Variants in CRPPA observed in about 807,000 individuals in gnomAD.
CRPPA encodes CDP-L-ribitol pyrophosphorylase A.
Under a neutral mutation model 52.0 loss-of-function variants are expected in CRPPA, and 43 were observed. That is an observed-to-expected ratio of 0.83 (90% confidence interval 0.65 to 1.07). The LOEUF is 1.07. CRPPA is among the 50% of genes least tolerant of loss of function. The pLI, the probability that CRPPA is intolerant of heterozygous loss-of-function variation, is 0.00. For synonymous variants in CRPPA, 250 were observed against 203.5 expected, an observed-to-expected ratio of 1.23 and a Z score of -1.94; for missense variants, 629 against 551.7, an observed-to-expected ratio of 1.14 and a Z score of -1.40.
chr7:16,271,004 G>GA (rs555195279), intron 6 of CRPPA, among the ~76,000 whole-genome samples: 141 of 146,234 alleles, frequency 9.6e-4, no homozygotes, highest in Middle Eastern at 3.5e-3. Context: ...GGGCATAAGG[G>GA]AAAAAAAAAA....
At chr7:16,107,195 A>G (rs577702268) in intron 9 of CRPPA, among the ~76,000 whole-genome samples, 2 of 152,156 alleles carry the variant, frequency 1.3e-5, no homozygotes, top group Non-Finnish European at 2.9e-5. Flanking sequence ...CCAAAAAAAA[A>G]CAAAAACATC....
At chr7:16,223,412 T>C (rs752430945) in intron 8 of CRPPA, among the ~76,000 whole-genome samples, 1 of 152,140 alleles carries the variant, frequency 6.6e-6, no homozygotes, top group Non-Finnish European at 1.5e-5. Flanking sequence ...TGAATTAACT[T>C]AAACACAGAT....
chr7:16,216,166 G>A lies in CRPPA; in HGVS notation c.1151C>T (p.Pro384Leu), dbSNP rs752622525. ...CATTAGGTTTTCCATTTTCTGACTG[G>A]GAGGTACTAATTTAAAATCAAGAAA... ...VHFLDFKLVPPSQKMENLMQI... is the reference protein window; with the variant it reads ...VHFLDFKLVPLSQKMENLMQI... Residue 384 changes from proline to leucine, a missense_variant, in exon 9 of 10, where the codon CCC (proline) becomes CTC (leucine). Physicochemically the swap from Pro to Leu is moderately conservative, Grantham distance 98. Coordinates refer to ENST00000407010, the MANE Select transcript of CRPPA (RefSeq NM_001101426.4). The A allele has an allele frequency of 3.8e-6, 6 of 1,586,008 alleles. No homozygotes were observed. Among genetic ancestry groups the A allele is most frequent in the African/African-American group, 1.4e-5 (1 of 73,900 alleles).
rs559687362 is a variant in CRPPA, at chr7:16,302,512, A to G, written c.790-1046T>C. 2.6e-5 allele frequency among the ~76,000 whole-genome samples: 4 copies of G among 152,248 alleles called. No homozygotes were observed. In the East Asian group the frequency reaches 7.7e-4, roughly 29 times the overall value. ...TACATAGTAAATAATGACACAGTAT[A>G]AATAAGCTTTTATAAGGTCTTAAAA... On this transcript the variant is annotated intron_variant, in intron 4 of 9. Transcript: ENST00000407010.
At chr7:16,408,093 G>A (rs1156694678) in intron 1 of CRPPA, among the ~76,000 whole-genome samples, 2 of 145,776 alleles carry the variant, frequency 1.4e-5, no homozygotes, top group African/African-American at 5.2e-5. Context: ...GGGCGACAGA[G>A]CAGGACTCTG....
In CRPPA at chr7:16,414,143, C is replaced by T. The variant is rs1192726101; in HGVS notation, c.257+6923G>A. On this transcript the variant is annotated intron_variant, in intron 1 of 9. Coordinates refer to ENST00000407010, the MANE Select transcript of CRPPA (RefSeq NM_001101426.4). ...AAGTTATCTTAAGCATTGTCCTCCA[C>T]CTAAGAGAGCTCAAAAACCTCATGA... Among the ~76,000 whole-genome samples the T allele has an allele frequency of 2.0e-5, 3 of 152,136 alleles. No homozygotes were observed. In the South Asian group the frequency reaches 6.2e-4, roughly 31 times the overall value.
At chr7:16,247,942 A>C (rs1229794119) in intron 8 of CRPPA, 1 of 152,126 alleles carries the variant, frequency 6.6e-6, no homozygotes, top group Non-Finnish European at 1.5e-5. Flanking sequence ...GACACACGAG[A>C]TGGAACTCAA....
intron 1 of CRPPA, among the ~76,000 whole-genome samples, chr7:16,416,312 C>A (rs538784935): frequency 1.3e-5 from 2 of 152,156 alleles, no homozygotes; most frequent in South Asian, 4.1e-4. Flanking sequence ...AGCTGGCTAG[C>A]CATATCCAGA....
At chr7:16,101,885 C>T (rs1162626785) in intron 9 of CRPPA, among the ~76,000 whole-genome samples, 10 of 152,060 alleles carry the variant, frequency 6.6e-5, no homozygotes, top group African/African-American at 1.2e-4. Flanking sequence ...TATTGCCCAA[C>T]GTAATTTATA....
intron 3 of CRPPA, among the ~76,000 whole-genome samples, chr7:16,335,196 A>G (rs56797094): frequency 0.028 from 4,161 of 151,094 alleles, 189 homozygotes; most frequent in African/African-American, 0.093. Context: ...GAATAAAAAA[A>G]AAAGAGTCAG....
intron 8 of CRPPA, among the ~76,000 whole-genome samples, chr7:16,230,382 C>T (rs933440918): frequency 2.6e-5 from 4 of 151,956 alleles, no homozygotes; most frequent in Non-Finnish European, 4.4e-5. Flanking sequence ...TTGTGCTTGG[C>T]CAATTCTGCT....
intron 3 of CRPPA, among the ~76,000 whole-genome samples, chr7:16,373,433 T>C (rs915549253): frequency 1.3e-5 from 2 of 152,204 alleles, no homozygotes; most frequent in African/African-American, 4.8e-5. Context: ...AACAAATATA[T>C]ACTTGGTGTT....
chr7:16,249,008 C>T (rs575398727), intron 8 of CRPPA, among the ~76,000 whole-genome samples: 3 of 152,138 alleles, frequency 2.0e-5, no homozygotes, highest in Non-Finnish European at 2.9e-5. Context: ...AGTCTGAGAT[C>T]GACCTGGGAT....
chr7:16,174,826 A>C (rs1413842156), intron 9 of CRPPA, among the ~76,000 whole-genome samples: 3 of 152,126 alleles, frequency 2.0e-5, no homozygotes, highest in African/African-American at 7.2e-5. Context: ...CTTCAAAGGA[A>C]CCCTTACATT....
chr7:16,156,445 A>G (rs1272238224), intron 9 of CRPPA, among the ~76,000 whole-genome samples: 2 of 152,198 alleles, frequency 1.3e-5, no homozygotes. Flanking sequence ...CTAGTCTTAA[A>G]GGTCAGGTGG....
Position 16,090,614 on chromosome 7 carries a change from T to G in CRPPA, c.*1081A>C, listed in dbSNP as rs1781817584. The G allele has an allele frequency of 6.8e-6, 1 of 147,382 alleles. No individual in the cohort carries two copies. Among genetic ancestry groups the G allele is most frequent in the Non-Finnish European group, 1.5e-5 (1 of 67,224 alleles). 9.1% of individuals were successfully genotyped at this position (147,382 alleles called of 1,614,324 possible). ...GGCAGGTGCCTGTAATCCCAGCTAC[T>G]CGGGAGGCTGAGGGAGGATAATTGC... On this transcript the variant is annotated 3_prime_UTR_variant, in exon 10 of 10. Coordinates refer to ENST00000407010, the MANE Select transcript of CRPPA (RefSeq NM_001101426.4).
At position 16,406,307 on chromosome 7, in the gene CRPPA, T is replaced by C. The variant is rs374684209; in HGVS notation, c.288A>G (p.Ala96=). The C allele has an allele frequency of 6.2e-7, 1 of 1,613,860 alleles. No individual in the cohort carries two copies. Among genetic ancestry groups the C allele is most frequent in the African/African-American group, 1.3e-5 (1 of 75,060 alleles). ...RVCWIKDIVV[A]VTGENMEVMK... is the part of the protein sequence containing the mutation. ...TTACTTCCATGTTCTCTCCAGTTAC[T>C]GCCACAACAATGTCCTTTATCCAAC... Residue 96 remains alanine (A), a synonymous_variant, in exon 2 of 10, where the codon GCA becomes GCG. Transcript: ENST00000407010.
chr7:16,124,108 T>TTC (rs1014199395), intron 9 of CRPPA, among the ~76,000 whole-genome samples: 5 of 15,098 alleles, frequency 3.3e-4, no homozygotes, highest in African/African-American at 1.5e-3. Flanking sequence ...AATTTCTTTC[T>TTC]TTTTTTATTT....
chr7:16,296,267 A>G (rs1784673370), intron 5 of CRPPA, among the ~76,000 whole-genome samples: 1 of 152,154 alleles, frequency 6.6e-6, no homozygotes, highest in South Asian at 2.1e-4. Flanking sequence ...AGTCAAAAGC[A>G]TGCCTTGAAG....
Sources: allele counts gnomAD v4.1 joint callset (sites outside exome capture counted in the v4.1 genomes callset), GRCh38; gene constraint gnomAD v4.1.1; transcripts MANE v1.5; gene names NCBI Gene and HGNC (gene_info 2026-07-23, HGNC 2026-07-21).